The following KIF4A variants were observed in gnomAD, a reference collection of about 807,000 sequenced individuals.
The protein encoded by KIF4A is chromosome-associated kinesin KIF4A.
A neutral mutation model predicts 105.9 loss-of-function variants in KIF4A; 7 were observed. That is an observed-to-expected ratio of 0.07 (90% confidence interval 0.04 to 0.12). The LOEUF (loss-of-function observed/expected upper bound fraction) is 0.12, where lower values mean the gene tolerates loss of function less well. Among genes scored for constraint, KIF4A ranks in the 10% least tolerant of loss-of-function variants. The pLI is 1.00. For missense variants in KIF4A, 558 were observed against 929.2 expected, an observed-to-expected ratio of 0.60 and a Z score of 5.19; for synonymous variants, 281 against 331.3, an observed-to-expected ratio of 0.85 and a Z score of 1.65.
intron 15 of KIF4A, among the ~76,000 whole-genome samples, chrX:70,365,049 T>C (rs2086095321): frequency 9.0e-6 from 1 of 111,731 alleles, no homozygotes; most frequent in Non-Finnish European, 1.9e-5. Flanking sequence ...TGTTTGTCTG[T>C]TATTGGTGTA....
In KIF4A at chrX:70,368,344, T is replaced by C. The variant is rs139484260; in HGVS notation, c.1675-5807T>C. On this transcript the variant is annotated intron_variant, in intron 15 of 30. Coordinates refer to ENST00000374403, the MANE Select transcript of KIF4A (RefSeq NM_012310.5). ...CTGCTCTGATTGTTAGAATTTTCAG[T>C]TTTTCTGCTCTGTTTTTTCCCCACC... 4.6e-3 allele frequency among the ~76,000 whole-genome samples: 516 copies of C among 112,147 alleles called. 1 individual carries two copies. The highest frequency in any genetic ancestry group is 8.1e-3 in the Non-Finnish European group (430 of 53,214).
chrX:70,290,442 G>A lies in KIF4A; in HGVS notation c.-17G>A, dbSNP rs760450068. ...CCTTCTTTTTCCCCCTCGCAGAGAC[G>A]GTGCTGAGATAGGATCATGAAGGAA... On this transcript the variant is annotated 5_prime_UTR_variant, in exon 2 of 31. Transcript: ENST00000374403. 7.5e-6 allele frequency: 9 copies of A among 1,200,737 alleles called. No individual in the cohort carries two copies. The African/African-American group carries it at 1.6e-4, about 21-fold the overall frequency.
chrX:70,367,764 G>T (rs938892194), intron 15 of KIF4A, among the ~76,000 whole-genome samples: 1 of 110,980 alleles, frequency 9.0e-6, no homozygotes, highest in Admixed American at 9.7e-5. Flanking sequence ...TCTTTGTGGC[G>T]TTCTCTGTAT....
intron 7 of KIF4A, among the ~76,000 whole-genome samples, chrX:70,315,834 A>G (rs2085867223): frequency 8.9e-6 from 1 of 111,800 alleles, no homozygotes; most frequent in African/African-American, 3.3e-5. Flanking sequence ...AACCTGGCAC[A>G]CTCACATAAG....
At position 70,296,612 on chromosome X, in the gene KIF4A, T is replaced by C. The variant is rs184222705; in HGVS notation, c.236-386T>C. Among the ~76,000 whole-genome samples the C allele has an allele frequency of 1.6e-3, 176 of 112,604 alleles. 7 individuals carry two copies. The highest frequency in any genetic ancestry group is 0.014 in the Admixed American group (149 of 10,663). ...AAATACATGCCAGAATCCTTTCTTTTTCTTTAATTTAATTTCTGTAATTTA... is the reference window on the plus strand; with the variant it reads ...AAATACATGCCAGAATCCTTTCTTTCTCTTTAATTTAATTTCTGTAATTTA... On this transcript the variant is annotated intron_variant, in intron 3 of 30. Transcript: ENST00000374403.
intron 13 of KIF4A, among the ~76,000 whole-genome samples, chrX:70,345,906 G>C (rs2085990710): frequency 9.0e-6 from 1 of 110,634 alleles, no homozygotes; most frequent in Non-Finnish European, 1.9e-5. Context: ...AAGTGCAGTG[G>C]GATCATAAAA....
Position 70,349,778 on chromosome X carries a change from C to T in KIF4A, c.1432-2822C>T, listed in dbSNP as rs1229931953. On this transcript the variant is annotated intron_variant, in intron 13 of 30. Coordinates refer to ENST00000374403, the MANE Select transcript of KIF4A (RefSeq NM_012310.5). Reference sequence around the variant, plus strand: ...CTCCTCAGTTCCCAGACGGGGCGGCCGGGCAGAGATGCTCCTCACATCCCA... The same window carrying T: ...CTCCTCAGTTCCCAGACGGGGCGGCTGGGCAGAGATGCTCCTCACATCCCA... Among the ~76,000 whole-genome samples the T allele has an allele frequency of 2.9e-3, 229 of 79,501 alleles. 5 individuals are homozygous for T. Among genetic ancestry groups the T allele is most frequent in the African/African-American group, 0.011 (212 of 18,500 alleles). 69.0% of individuals were successfully genotyped at this position (79,501 alleles called of 115,157 possible).
chrX:70,385,928 A>G (rs957992023), intron 18 of KIF4A, among the ~76,000 whole-genome samples: 2 of 111,222 alleles, frequency 1.8e-5, no homozygotes, highest in African/African-American at 6.5e-5. Context: ...ATATTGTATG[A>G]TGCTGAGCTT....
intron 7 of KIF4A, among the ~76,000 whole-genome samples, chrX:70,306,558 A>G (rs1199939765): frequency 9.1e-6 from 1 of 110,400 alleles, no homozygotes; most frequent in Admixed American, 9.7e-5. Context: ...TTATTTTTTG[A>G]GACAATCTCA....
At position 70,343,822 on chromosome X, in the gene KIF4A, C is replaced by A. The variant is rs1364435798; in HGVS notation, c.1326-55C>A. ...AGCATCTTAGTATATAATCGTGGAG[C>A]CTCTGGCCTTTGTCATATGAATAAC... is the stretch of plus-strand genomic sequence containing the variant. On this transcript the variant is annotated intron_variant, in intron 12 of 30. Coordinates refer to ENST00000374403, the MANE Select transcript of KIF4A (RefSeq NM_012310.5). 8 of 1,184,151 alleles carry A rather than the reference C, an allele frequency of 6.8e-6. No individual in the cohort carries two copies. In the African/African-American group the frequency reaches 1.4e-4, roughly 21 times the overall value.
intron 15 of KIF4A, among the ~76,000 whole-genome samples, chrX:70,367,728 C>G (rs1287022178): frequency 9.0e-6 from 1 of 111,011 alleles, no homozygotes; most frequent in Non-Finnish European, 1.9e-5. Context: ...CATTATTTGT[C>G]TTGGAGTTGC....
At chrX:70,325,432 C>T (rs2085907325) in intron 7 of KIF4A, among the ~76,000 whole-genome samples, 1 of 110,459 alleles carries the variant, frequency 9.1e-6, no homozygotes, top group Non-Finnish European at 1.9e-5. Flanking sequence ...TGCACACCAC[C>T]ACGCCCAGCT....
intron 7 of KIF4A, 47 bp downstream of exon 7, chrX:70,302,445 A>G: frequency 8.9e-7 from 1 of 1,119,413 alleles, no homozygotes; most frequent in Non-Finnish European, 1.2e-6. Context: ...AACTTCTAGT[A>G]CTCTTGTTGG....
chrX:70,323,525 C>G (rs905474604), intron 7 of KIF4A, among the ~76,000 whole-genome samples: 5 of 111,568 alleles, frequency 4.5e-5, no homozygotes, highest in Non-Finnish European at 7.5e-5. Context: ...CCTATGAAAC[C>G]TCTGCTCTTG....
At chrX:70,290,845 C>T (rs923532781) in intron 3 of KIF4A, 40 bp downstream of exon 3, 2 of 928,988 alleles carry the variant, frequency 2.2e-6, no homozygotes, top group African/African-American at 3.9e-5. Context: ...ATATATATTC[C>T]TTGAGCATAT....
chrX:70,398,255 C>G (rs2086268010), intron 22 of KIF4A, among the ~76,000 whole-genome samples: 1 of 111,912 alleles, frequency 8.9e-6, no homozygotes, highest in Non-Finnish European at 1.9e-5. Context: ...CCAGGGTGGT[C>G]TCGAACTCCT....
chrX:70,296,295 G>A (rs2085783250), intron 3 of KIF4A, among the ~76,000 whole-genome samples: 2 of 110,254 alleles, frequency 1.8e-5, no homozygotes, highest in South Asian at 3.9e-4. Context: ...ATGTTGCCCA[G>A]TCTAATGTTA....
chrX:70,317,824 G>A (rs113323172), intron 7 of KIF4A, among the ~76,000 whole-genome samples: 13,706 of 108,153 alleles, frequency 0.13, 882 homozygotes, highest in Non-Finnish European at 0.18. Flanking sequence ...AATTACAGGC[G>A]TAAGCCACCA....
At chrX:70,394,273 A>G (rs2086251097) in intron 20 of KIF4A, among the ~76,000 whole-genome samples, 1 of 108,339 alleles carries the variant, frequency 9.2e-6, no homozygotes, top group Admixed American at 1.0e-4. Context: ...GCGTGACCAT[A>G]GTTCACTGTA....
Sources: gnomAD v4.1 joint callset for allele counts (sites outside exome capture counted in the v4.1 genomes callset) on GRCh38, gnomAD v4.1.1 for gene constraint, MANE v1.5 for transcripts, NCBI Gene and HGNC (gene_info 2026-07-23, HGNC 2026-07-21) for gene names.